PCDH9: variants seen among roughly 807,000 people sequenced by gnomAD.
PCDH9 encodes the protein protocadherin-9.
PCDH9 carries 24 observed loss-of-function variants against 70.6 expected under a neutral mutation model. That is an observed-to-expected ratio of 0.34 (90% CI 0.25 to 0.48). PCDH9 has a LOEUF of 0.48. Ranked by LOEUF, PCDH9 falls within the 20% of genes least tolerant of loss-of-function variation. The pLI, the probability that PCDH9 is intolerant of heterozygous loss-of-function variation, is 0.99. For synonymous variants in PCDH9, 562 were observed against 558.5 expected, an observed-to-expected ratio of 1.01 and a Z score of -0.09; for missense variants, 1,281 against 1,503.6, an observed-to-expected ratio of 0.85 and a Z score of 2.45.
At chr13:66,749,958 A>T (rs1256933593) in intron 3 of PCDH9, among the ~76,000 whole-genome samples, 3 of 152,048 alleles carry the variant, frequency 2.0e-5, no homozygotes, top group African/African-American at 7.3e-5. Flanking sequence ...TGATCTGTCC[A>T]TTTAAAAATA....
chr13:67,030,372 T>C (rs1337759334), intron 2 of PCDH9, among the ~76,000 whole-genome samples: 2 of 152,132 alleles, frequency 1.3e-5, no homozygotes, highest in Non-Finnish European at 2.9e-5. Flanking sequence ...CCCTCTGTCC[T>C]GCTCTTCATC....
intron 4 of PCDH9, among the ~76,000 whole-genome samples, chr13:66,369,917 A>T: frequency 6.6e-6 from 1 of 152,154 alleles, no homozygotes; most frequent in East Asian, 1.9e-4. Flanking sequence ...AAGCAGTGGA[A>T]GTATTTTCTT....
chr13:67,067,340 T>C (rs1258591967), intron 2 of PCDH9, among the ~76,000 whole-genome samples: 3 of 152,156 alleles, frequency 2.0e-5, no homozygotes, highest in African/African-American at 7.2e-5. Context: ...TCTAATAATA[T>C]ATTTTACCCC....
chr13:66,425,067 C>T (rs1957645340), intron 4 of PCDH9, among the ~76,000 whole-genome samples: 1 of 151,810 alleles, frequency 6.6e-6, no homozygotes, highest in African/African-American at 2.4e-5. Context: ...AACTACTTTG[C>T]ATAACTTGAA....
rs1270873497 is a variant in PCDH9, at chr13:66,681,106, A to G, written c.3139-49695T>C. Among the ~76,000 whole-genome samples the G allele has an allele frequency of 2.0e-5, 3 of 152,040 alleles. No individual in the cohort carries two copies. The East Asian group carries it at 5.8e-4, about 29-fold the overall frequency. On this transcript the variant is annotated intron_variant, in intron 3 of 4. Transcript: ENST00000377865. Reference sequence around the variant, plus strand: ...GGCAGAAGTCACACAGAAGTTACAGACAACTTAACCCAAACAATCCCACAT... The same window carrying G: ...GGCAGAAGTCACACAGAAGTTACAGGCAACTTAACCCAAACAATCCCACAT...
At chr13:66,694,717 G>T in intron 3 of PCDH9, among the ~76,000 whole-genome samples, 1 of 151,616 alleles carries the variant, frequency 6.6e-6, no homozygotes, top group South Asian at 2.1e-4. Context: ...CATATATATT[G>T]TATATATACA....
At chr13:66,567,641 G>T (rs950900180) in intron 4 of PCDH9, among the ~76,000 whole-genome samples, 1 of 152,154 alleles carries the variant, frequency 6.6e-6, no homozygotes, top group African/African-American at 2.4e-5. Flanking sequence ...CATGTTTAGA[G>T]AAATATTTAG....
At chr13:66,485,861 G>T (rs1426049606) in intron 4 of PCDH9, among the ~76,000 whole-genome samples, 2 of 151,532 alleles carry the variant, frequency 1.3e-5, no homozygotes, top group Admixed American at 1.3e-4. Context: ...CATGTAGCTG[G>T]GATTACAGAC....
At chr13:66,787,048 T>C (rs143891414) in intron 3 of PCDH9, among the ~76,000 whole-genome samples, 1 of 152,282 alleles carries the variant, frequency 6.6e-6, no homozygotes, top group East Asian at 1.9e-4. Context: ...GACAAAAATT[T>C]AGTCAAAAAA....
At chr13:66,783,176 T>C (rs2080026740) in intron 3 of PCDH9, among the ~76,000 whole-genome samples, 1 of 152,120 alleles carries the variant, frequency 6.6e-6, no homozygotes, top group South Asian at 2.1e-4. Context: ...GCTTTGGCCA[T>C]TACACGACCC....
intron 2 of PCDH9, among the ~76,000 whole-genome samples, chr13:67,080,226 G>A (rs1345252161): frequency 6.6e-6 from 1 of 152,118 alleles, no homozygotes; most frequent in Non-Finnish European, 1.5e-5. Flanking sequence ...ATTTTCATAT[G>A]TGGAAGATAA....
intron 4 of PCDH9, among the ~76,000 whole-genome samples, chr13:66,630,433 T>C (rs1400759493): frequency 6.6e-6 from 1 of 152,178 alleles, no homozygotes; most frequent in Non-Finnish European, 1.5e-5. Flanking sequence ...AGTAAGCTAG[T>C]CAGTGTTTTT....
intron 2 of PCDH9, among the ~76,000 whole-genome samples, chr13:67,079,193 T>A (rs1028264983): frequency 6.6e-6 from 1 of 151,826 alleles, no homozygotes; most frequent in Admixed American, 6.6e-5. Context: ...TAACGAGACA[T>A]GGAATGGAGG....
chr13:66,902,036 A>G (rs2082284179), intron 3 of PCDH9, among the ~76,000 whole-genome samples: 1 of 151,590 alleles, frequency 6.6e-6, no homozygotes, highest in Non-Finnish European at 1.5e-5. Context: ...TTTCTCTGCC[A>G]TCCAATTAGA....
intron 4 of PCDH9, among the ~76,000 whole-genome samples, chr13:66,426,728 A>G (rs1410965008): frequency 2.0e-5 from 3 of 151,590 alleles, no homozygotes; most frequent in Admixed American, 2.0e-4. Flanking sequence ...TGTCATCTTA[A>G]TAAAGGTTTA....
intron 2 of PCDH9, among the ~76,000 whole-genome samples, chr13:67,026,877 A>C (rs1361967380): frequency 6.6e-6 from 1 of 152,168 alleles, no homozygotes; most frequent in Non-Finnish European, 1.5e-5. Context: ...GGACCTCTTC[A>C]AGGAGAACTA....
intron 2 of PCDH9, among the ~76,000 whole-genome samples, chr13:67,174,000 T>G: frequency 6.6e-6 from 1 of 152,294 alleles, no homozygotes; most frequent in South Asian, 2.1e-4. Flanking sequence ...CATATGATAT[T>G]AAAGTTTATA....
intron 4 of PCDH9, among the ~76,000 whole-genome samples, chr13:66,615,491 C>T (rs963237512): frequency 6.6e-6 from 1 of 152,116 alleles, no homozygotes; most frequent in East Asian, 1.9e-4. Context: ...CTACCCTGGA[C>T]ATTTTGCTAT....
intron 2 of PCDH9, among the ~76,000 whole-genome samples, chr13:67,185,246 CTCAT>C (rs2088722259): frequency 6.6e-6 from 1 of 152,154 alleles, no homozygotes. Context: ...GATTTTTACT[CTCAT>C]TGCTTAATTT....
Sources: allele counts gnomAD v4.1 joint callset (sites outside exome capture counted in the v4.1 genomes callset), GRCh38; gene constraint gnomAD v4.1.1; transcripts MANE v1.5; gene names NCBI Gene and HGNC (gene_info 2026-07-23, HGNC 2026-07-21).